MED23: variants seen among roughly 807,000 people sequenced by gnomAD.
MED23 encodes the protein mediator complex subunit 23.
Under a neutral mutation model 163.9 loss-of-function variants are expected in MED23, and 105 were observed. The observed-to-expected ratio is 0.64, with a 90% CI of 0.55 to 0.75. The LOEUF (loss-of-function observed/expected upper bound fraction) is 0.75. MED23 is among the 30% of genes least tolerant of loss of function. MED23 has a pLI of 0.00. For missense variants in MED23, 1,054 were observed against 1,649.0 expected, an observed-to-expected ratio of 0.64 and a Z score of 6.25; for synonymous variants, 561 against 565.6, an observed-to-expected ratio of 0.99 and a Z score of 0.12.
chr6:131,598,065 G>A lies in MED23; in HGVS notation c.2607+222C>T, dbSNP rs1000195393. On this transcript the variant is annotated intron_variant, in intron 20 of 28. Transcript: ENST00000368068. This position sits in a 1 kb window ranked among gnomAD's most constrained non-coding sequence, Gnocchi z 4.7. ...TGAGCCATGATCACGCCACTGCACT[G>A]GGCGACAGAGCGAGACCCTGTCTCA... Among the ~76,000 whole-genome samples, 23 of 151,596 alleles carry A rather than the reference G, an allele frequency of 1.5e-4. No homozygotes were observed. The highest frequency in any genetic ancestry group is 5.6e-4 in the African/African-American group (23 of 40,916).
At chr6:131,626,090 C>G (rs1197333413) in intron 3 of MED23, among the ~76,000 whole-genome samples, 3 of 138,748 alleles carry the variant, frequency 2.2e-5, no homozygotes, top group Non-Finnish European at 3.0e-5. Context: ...CCACTGCACT[C>G]TAGCCTGGGC....
intron 30 of MED23, chr6:131,576,515 T>C (rs1773619283): frequency 2.7e-6 from 2 of 738,394 alleles, no homozygotes; most frequent in Non-Finnish European, 2.4e-6. Context: ...GCTGTGAAGA[T>C]TAAAAGAGAT....
intron 24 of MED23, 58 bp downstream of exon 24, chr6:131,592,948 A>G: frequency 6.3e-7 from 1 of 1,597,920 alleles, no homozygotes; most frequent in Non-Finnish European, 8.6e-7. Flanking sequence ...TTTGAAATAG[A>G]ATACCATTCT....
intron 17 of MED23, among the ~76,000 whole-genome samples, chr6:131,601,896 T>C (rs1775512575): frequency 1.3e-5 from 2 of 152,046 alleles, no homozygotes; most frequent in Admixed American, 6.6e-5. Flanking sequence ...TATCCATAGA[T>C]ATAATCCATA....
At chr6:131,588,109 TA>T (rs1197302267) in intron 28 of MED23, among the ~76,000 whole-genome samples, 7 of 152,236 alleles carry the variant, frequency 4.6e-5, no homozygotes, top group Non-Finnish European at 1.0e-4. Flanking sequence ...TATATTCATA[TA>T]TATGCATATA....
chr6:131,626,136 A>C (rs1022425308), intron 3 of MED23, among the ~76,000 whole-genome samples: 4 of 151,462 alleles, frequency 2.6e-5, no homozygotes, highest in Non-Finnish European at 4.4e-5. Context: ...AAAAAAAAAA[A>C]AAAAGAAAAG....
chr6:131,594,011 TA>T (rs1395779362), intron 23 of MED23, 87 bp downstream of exon 23: 10 of 1,161,212 alleles, frequency 8.6e-6, no homozygotes, highest in African/African-American at 1.6e-5. Context: ...TTGAAATACA[TA>T]AAAAATTACT....
Position 131,604,248 on chromosome 6 carries a change from G to T in MED23, c.1686C>A (p.Ala562=), listed in dbSNP as rs770457615. The part of the protein sequence containing the change: ...HAKSSVALAP[A]LVETYSRLLV... ...ATAAACGACTGTAAGTTTCCACTAG[G>T]GCTGGAGCCAAGGCCACACTGGACT... Residue 562 remains alanine (A), a synonymous_variant, in exon 15 of 29, where the codon GCC becomes GCA. Coordinates refer to ENST00000368068, the MANE Select transcript of MED23 (RefSeq NM_004830.4). The T allele has an allele frequency of 6.2e-7, 1 of 1,613,822 alleles. No homozygotes were observed. Among genetic ancestry groups the T allele is most frequent in the Non-Finnish European group, 8.5e-7 (1 of 1,179,800 alleles).
At chr6:131,606,056 T>C (rs1775832039) in intron 13 of MED23, among the ~76,000 whole-genome samples, 1 of 152,136 alleles carries the variant, frequency 6.6e-6, no homozygotes. Context: ...GGAAGAGATA[T>C]TAAGGGGCAT....
chr6:131,587,121 G>GA lies in MED23; in HGVS notation c.*557dup. 8.1e-7 allele frequency: 1 copy of GA among 1,241,546 alleles called. No individual in the cohort carries two copies. The highest frequency in any genetic ancestry group is 1.0e-6 in the Non-Finnish European group (1 of 983,890). The allele number at this position is 1,241,546 out of a possible 1,614,324, so 76.9% of individuals were successfully genotyped here. A position where few individuals can be genotyped will look rare whatever the true frequency, so the allele number is the denominator to read the frequency against. Reference sequence around the variant, plus strand: ...CCAGTTGACCTTGATAGAAACTATGGAAATTTATAATAAAATTTCAAGTCA... The same window carrying GA: ...CCAGTTGACCTTGATAGAAACTATGGAAAATTTATAATAAAATTTCAAGTCA... On this transcript the variant is annotated 3_prime_UTR_variant, in exon 29 of 29. Transcript: ENST00000368068.
Position 131,605,486 on chromosome 6 carries a change from C to A in MED23, c.1368-1G>T. 2 of 1,569,492 alleles carry A rather than the reference C, an allele frequency of 1.3e-6. No individual in the cohort carries two copies. Among genetic ancestry groups the A allele is most frequent in the Non-Finnish European group, 1.7e-6 (2 of 1,159,424 alleles). On this transcript the variant is annotated splice_acceptor_variant, in intron 13 of 28. Coordinates refer to ENST00000368068, the MANE Select transcript of MED23 (RefSeq NM_004830.4). LOFTEE classifies it high-confidence loss of function. ...ATTTCTTAGACTCTGCTGCAGGAAC[C>A]TAAATATTCACGTTCCATTAAAAAG... is the stretch of plus-strand genomic sequence containing the variant.
In MED23 at chr6:131,610,236, C is replaced by T. The variant is rs748217914; in HGVS notation, c.887G>A (p.Arg296His). 1.9e-6 allele frequency: 3 copies of T among 1,613,696 alleles called. No homozygotes were observed. Among genetic ancestry groups the T allele is most frequent in the South Asian group, 1.1e-5 (1 of 91,080 alleles). ...MLGLNKQHKQ[R>H]CPVLEDQLVD... ...CAACTGGTCCTCCAGCACAGGGCAG[C>T]GCTGCTTGTGCTGTAGGGCAGAGAT... Residue 296 changes from arginine to histidine, a missense_variant, in exon 11 of 29, where the codon CGC (arginine) becomes CAC (histidine). Coordinates refer to ENST00000368068, the MANE Select transcript of MED23 (RefSeq NM_004830.4).
At chr6:131,597,912 C>T (rs1411142505) in intron 20 of MED23, among the ~76,000 whole-genome samples, 2 of 151,884 alleles carry the variant, frequency 1.3e-5, no homozygotes, top group African/African-American at 2.4e-5. Flanking sequence ...ATGGAGAAAC[C>T]CCATCTCTAT....
At chr6:131,575,663 C>T (rs1258846615) in intron 30 of MED23, among the ~76,000 whole-genome samples, 5 of 152,212 alleles carry the variant, frequency 3.3e-5, no homozygotes. Flanking sequence ...CACATTGTCT[C>T]ATCTGACAAC....
intron 2 of MED23, 71 bp from the exon 3 acceptor site, chr6:131,627,554 A>C: frequency 6.3e-7 from 1 of 1,587,074 alleles, no homozygotes; most frequent in South Asian, 1.1e-5. Context: ...AGAATAGTGG[A>C]TCTTATAACC....
downstream of MED23, chr6:131,582,679 T>C (rs770776974): frequency 3.1e-6 from 5 of 1,613,890 alleles, no homozygotes; most frequent in African/African-American, 2.7e-5. Context: ...AAGGATATTG[T>C]GTATATTGGC....
Position 131,591,305 on chromosome 6 carries a change from ATACT to A in MED23, c.3686+4_3686+7del, listed in dbSNP as rs1252040058. ...CGTCAAATTTCTTTAAGAAATTATT[ATACT>A]TACTTTGGAATGAGAGAAAGTTGTC... On this transcript the variant is annotated splice_donor_5th_base_variant and intron_variant, in intron 26 of 28. Transcript: ENST00000368068. 6.2e-7 allele frequency: 1 copy of A among 1,600,322 alleles called. No individual in the cohort carries two copies. Among genetic ancestry groups the A allele is most frequent in the Non-Finnish European group, 8.6e-7 (1 of 1,167,824 alleles).
At chr6:131,622,089 T>G in intron 5 of MED23, 110 bp from the exon 6 acceptor site, 1 of 719,296 alleles carries the variant, frequency 1.4e-6, no homozygotes, top group South Asian at 1.7e-5. Flanking sequence ...ACCTTTAAAT[T>G]TTCTGAATCA....
At position 131,598,507 on chromosome 6, in the gene MED23, T is replaced by G; in HGVS notation, c.2427-40A>C. ...GTAAAACATAAACTCCATTGTTGTA[T>G]GGATACAACAATTTGCCAAATGGAA... On this transcript the variant is annotated intron_variant, in intron 19 of 28. Coordinates refer to ENST00000368068, the MANE Select transcript of MED23 (RefSeq NM_004830.4). The surrounding 1 kb of genome is among the most constrained non-coding windows in gnomAD (Gnocchi z 4.7). 1 of 1,613,936 alleles carries G rather than the reference T, an allele frequency of 6.2e-7. No individual in the cohort carries two copies. The highest frequency in any genetic ancestry group is 1.1e-5 in the South Asian group (1 of 91,072).
Sources: allele counts gnomAD v4.1 joint callset (sites outside exome capture counted in the v4.1 genomes callset), GRCh38; gene constraint gnomAD v4.1.1; non-coding constraint Gnocchi (gnomAD v3.1); transcripts MANE v1.5; gene names NCBI Gene and HGNC (gene_info 2026-07-23, HGNC 2026-07-21).